Variants in UNC80 observed in about 807,000 individuals in gnomAD.
The protein encoded by UNC80 is unc-80 subunit of NALCN channel complex, also known as protein unc-80 homolog.
UNC80 carries 164 observed loss-of-function variants against 384.6 expected under a neutral mutation model. The ratio of observed to expected loss-of-function variants is 0.43; its 90% CI spans 0.38 to 0.49. UNC80 has a LOEUF of 0.49. UNC80 is among the 20% of genes least tolerant of loss of function. UNC80 has a pLI of 0.00. For synonymous variants in UNC80, 1,486 were observed against 1,527.8 expected, an observed-to-expected ratio of 0.97 and a Z score of 0.64; for missense variants, 3,330 against 4,143.0, an observed-to-expected ratio of 0.80 and a Z score of 5.39.
chr2:209,865,370 A>G (rs942757880), intron 22 of UNC80, among the ~76,000 whole-genome samples: 4 of 152,148 alleles, frequency 2.6e-5, no homozygotes, highest in Non-Finnish European at 5.9e-5. Context: ...TGGGAGGCCA[A>G]GGCAGGCGGA....
At chr2:209,835,591 T>G (rs1268465780) in intron 18 of UNC80, among the ~76,000 whole-genome samples, 1 of 152,212 alleles carries the variant, frequency 6.6e-6, no homozygotes, top group African/African-American at 2.4e-5. Flanking sequence ...ATAAGGGTTA[T>G]CATAGACACT....
intron 25 of UNC80, among the ~76,000 whole-genome samples, chr2:209,887,801 G>C (rs1366461240): frequency 6.6e-6 from 1 of 152,188 alleles, no homozygotes; most frequent in Admixed American, 6.5e-5. Context: ...CAAAACTGTG[G>C]ACAAAGAGTT....
rs541559070 is a variant in UNC80, at chr2:209,873,184, G to A, written c.3840+214G>A. Among the ~76,000 whole-genome samples the A allele has an allele frequency of 2.0e-5, 3 of 152,136 alleles. No individual in the cohort carries two copies. In the South Asian group the frequency reaches 6.2e-4, roughly 32 times the overall value. ...TACTATCTCTGTTTTACAGTTAAGA[G>A]AACTGAAGTTTATACAGGTCAAGCG... On this transcript the variant is annotated intron_variant, in intron 23 of 64. Coordinates refer to ENST00000673920, the MANE Select transcript of UNC80 (RefSeq NM_001371986.1).
chr2:209,829,398 A>G lies in UNC80; in HGVS notation c.2626+19A>G, dbSNP rs956379017. The G allele has an allele frequency of 3.2e-6, 5 of 1,550,684 alleles. No individual in the cohort carries two copies. Among genetic ancestry groups the G allele is most frequent in the African/African-American group, 1.4e-5 (1 of 72,988 alleles). ...ACTGACAGTAAGTAAAGCTGCACCCAAGTTCTAGGAGAAGTCGTTGTGAGG... is the reference window on the plus strand; with the variant it reads ...ACTGACAGTAAGTAAAGCTGCACCCGAGTTCTAGGAGAAGTCGTTGTGAGG... On this transcript the variant is annotated intron_variant, in intron 15 of 64. Transcript: ENST00000673920.
intron 18 of UNC80, among the ~76,000 whole-genome samples, chr2:209,835,672 G>A (rs1369036162): frequency 3.3e-5 from 5 of 152,196 alleles, no homozygotes; most frequent in Non-Finnish European, 7.3e-5. Context: ...TAATCCACAA[G>A]TGGAGTGTAA....
intron 33 of UNC80, 130 bp from the exon 34 acceptor site, chr2:209,921,370 T>G (rs2090027953): frequency 1.1e-6 from 1 of 901,364 alleles, no homozygotes; most frequent in Admixed American, 3.4e-5. Flanking sequence ...TCCATGAAAC[T>G]GGATCATGGG....
chr2:209,894,737 AAGGAC>A (rs2086652227), intron 27 of UNC80, among the ~76,000 whole-genome samples: 1 of 152,188 alleles, frequency 6.6e-6, no homozygotes, highest in African/African-American at 2.4e-5. Context: ...CTTTAATGAA[AAGGAC>A]AGTCTTTGAA....
rs1280662462 is a variant in UNC80 at position 209,912,540 on chromosome 2, C to G, written c.4783-20C>G. 3.3e-6 allele frequency: 5 copies of G among 1,509,916 alleles called. No individual in the cohort carries two copies. Among genetic ancestry groups the G allele is most frequent in the Non-Finnish European group, 4.5e-6 (5 of 1,112,990 alleles). The allele number at this position is 1,509,916 out of a possible 1,614,324, so 93.5% of individuals were successfully genotyped here. On this transcript the variant is annotated intron_variant, in intron 29 of 64. Coordinates refer to ENST00000673920, the MANE Select transcript of UNC80 (RefSeq NM_001371986.1). ...TTAGAAAACACATCACTCTTCATTA[C>G]ATATCCCTGGTCTTTTCAGTGCTCA...
chr2:209,864,431 C>T (rs2083563830), intron 22 of UNC80, among the ~76,000 whole-genome samples: 1 of 152,174 alleles, frequency 6.6e-6, no homozygotes, highest in African/African-American at 2.4e-5. Context: ...CCGGATTCCT[C>T]AGAGCTATCT....
intron 28 of UNC80, among the ~76,000 whole-genome samples, chr2:209,898,757 C>T (rs2087063795): frequency 6.6e-6 from 1 of 152,172 alleles, no homozygotes; most frequent in Non-Finnish European, 1.5e-5. Flanking sequence ...ACCTCTCCCT[C>T]AACCCCCTAC....
At chr2:209,813,515 A>T in intron 7 of UNC80, 65 bp from the exon 8 acceptor site, 1 of 1,486,510 alleles carries the variant, frequency 6.7e-7, no homozygotes, top group South Asian at 1.3e-5. Context: ...GCTATAAGCC[A>T]TGCTGTGCTG....
rs1003852319 is a variant in UNC80, at chr2:209,789,466, A to G, written c.725-66A>G. ...AATAGCTTTTCTATTTGAAAATGAA[A>G]TGAACTTATGAAATAAAAAGAACTT... On this transcript the variant is annotated intron_variant, in intron 5 of 64. Coordinates refer to ENST00000673920, the MANE Select transcript of UNC80 (RefSeq NM_001371986.1). 12 of 1,077,674 alleles carry G rather than the reference A, an allele frequency of 1.1e-5. No homozygotes were observed. The African/African-American group carries it at 1.9e-4, about 17-fold the overall frequency. 66.8% of individuals were successfully genotyped at this position (1,077,674 alleles called of 1,614,324 possible).
Position 209,921,566 on chromosome 2 carries a change from C to T in UNC80, c.5410C>T (p.Gln1804Ter). 1.9e-6 allele frequency: 3 copies of T among 1,551,672 alleles called. No homozygotes were observed. Among genetic ancestry groups the T allele is most frequent in the Non-Finnish European group, 2.6e-6 (3 of 1,146,976 alleles). ...GGCAGAACACATCTTAAAGAACTTGCAGCAGGAGGAAGAAAAGAAACGACT... is the reference window on the plus strand; with the variant it reads ...GGCAGAACACATCTTAAAGAACTTGTAGCAGGAGGAAGAAAAGAAACGACT... Reference protein sequence around the residue: ...QRAEHILKNLQQEEEKKRLGR... With the variant: ...QRAEHILKNL Residue 1804 changes from glutamine (Q) to a stop codon, truncating the protein, a stop_gained, in exon 34 of 65, where the codon CAG (glutamine) becomes TAG (stop). Transcript: ENST00000673920. LOFTEE classifies it high-confidence loss of function.
At chr2:209,865,230 G>GGT (rs566651002) in intron 22 of UNC80, among the ~76,000 whole-genome samples, 1 of 149,356 alleles carries the variant, frequency 6.7e-6, no homozygotes, top group Non-Finnish European at 1.5e-5. Flanking sequence ...CGTTTATTAT[G>GGT]TTTTTTTTTT....
chr2:209,888,297 T>A (rs2086015669), intron 26 of UNC80, 37 bp downstream of exon 26: 1 of 1,547,572 alleles, frequency 6.5e-7, no homozygotes. Flanking sequence ...GTTTCAGGGT[T>A]TCTTGTTTCT....
intron 7 of UNC80, among the ~76,000 whole-genome samples, chr2:209,799,140 C>T (rs1347141583): frequency 1.3e-5 from 2 of 150,092 alleles, no homozygotes; most frequent in Non-Finnish European, 3.0e-5. Flanking sequence ...ATGGGAATAG[C>T]ATTTAATCTA....
At chr2:209,893,527 G>A (rs144059077) in intron 26 of UNC80, among the ~76,000 whole-genome samples, 3 of 152,214 alleles carry the variant, frequency 2.0e-5, no homozygotes, top group Non-Finnish European at 2.9e-5. Flanking sequence ...TGGCTCGGGG[G>A]GGTTGCACCA....
rs368897016 is a variant in UNC80 at position 209,826,050 on chromosome 2, G to C, written c.2475G>C (p.Glu825Asp). 6.5e-7 allele frequency: 1 copy of C among 1,547,110 alleles called. No individual in the cohort carries two copies. Among genetic ancestry groups the C allele is most frequent in the African/African-American group, 1.4e-5 (1 of 72,868 alleles). The change falls in exon 14 of 65, where the codon GAG (glutamate) becomes GAC (aspartate). Residue 825 changes from glutamate (E) to aspartate (D), a missense_variant. Physicochemically the swap from Glu to Asp is conservative, Grantham distance 45. Coordinates refer to ENST00000673920, the MANE Select transcript of UNC80 (RefSeq NM_001371986.1). ...GDRLRHQVFRENAQNCLTKLY... is the reference protein window; with the variant it reads ...GDRLRHQVFRDNAQNCLTKLY... ...GTCTGAGACACCAGGTATTCCGAGA[G>C]AATGTAAGAGAATTAAAGTAGATTC...
chr2:209,821,561 G>C (rs2080133827), intron 13 of UNC80, among the ~76,000 whole-genome samples: 1 of 152,174 alleles, frequency 6.6e-6, no homozygotes, highest in Non-Finnish European at 1.5e-5. Flanking sequence ...TTTGAAGTGG[G>C]ACTAACTCTC....
Sources: gnomAD v4.1 joint callset for allele counts (sites outside exome capture counted in the v4.1 genomes callset) on GRCh38, gnomAD v4.1.1 for gene constraint, MANE v1.5 for transcripts, NCBI Gene and HGNC (gene_info 2026-07-23, HGNC 2026-07-21) for gene names.